Variants in TAFA5 observed in about 807,000 individuals in gnomAD.
The protein encoded by TAFA5 is TAFA chemokine like family member 5.
In TAFA5, 6 loss-of-function variants were observed where a neutral mutation model predicts 15.3. The observed-to-expected ratio is 0.39, with a 90% CI of 0.21 to 0.77. TAFA5 has a LOEUF of 0.77. TAFA5 is among the 30% of genes least tolerant of loss of function. The pLI is 0.41. For missense variants in TAFA5, 161 were observed against 193.1 expected, an observed-to-expected ratio of 0.83 and a Z score of 0.98; for synonymous variants, 103 against 80.7, an observed-to-expected ratio of 1.28 and a Z score of -1.48.
intron 1 of TAFA5, among the ~76,000 whole-genome samples, chr22:48,522,226 G>A (rs1921626294): frequency 1.3e-5 from 2 of 151,970 alleles, no homozygotes; most frequent in Admixed American, 6.5e-5. Flanking sequence ...TGTCCCCTGC[G>A]TCTACCTGTG....
chr22:48,728,982 T>A (rs1321841058), intron 3 of TAFA5, among the ~76,000 whole-genome samples: 1 of 152,160 alleles, frequency 6.6e-6, no homozygotes, highest in African/African-American at 2.4e-5. Flanking sequence ...AAGGAAAAAT[T>A]ATTCACAAGT....
In TAFA5 at chr22:48,550,382, C is replaced by T. The variant is rs1321809805; in HGVS notation, c.112+60678C>T. Reference sequence around the variant, plus strand: ...CAGGCTGGCACATGGGCCTCTCATGCACCTTTCCCACAGACTGGTCGGAGG... The same window carrying T: ...CAGGCTGGCACATGGGCCTCTCATGTACCTTTCCCACAGACTGGTCGGAGG... On this transcript the variant is annotated intron_variant, in intron 1 of 3. Coordinates refer to ENST00000402357, the MANE Select transcript of TAFA5 (RefSeq NM_001082967.3). This position sits in a 1 kb window ranked among gnomAD's most constrained non-coding sequence, Gnocchi z 4.1. Among the ~76,000 whole-genome samples, 1 of 152,234 alleles carries T rather than the reference C, an allele frequency of 6.6e-6. No individual in the cohort carries two copies. Among genetic ancestry groups the T allele is most frequent in the Non-Finnish European group, 1.5e-5 (1 of 68,040 alleles).
chr22:48,578,799 T>G (rs1371944803), intron 1 of TAFA5, among the ~76,000 whole-genome samples: 1 of 152,096 alleles, frequency 6.6e-6, no homozygotes, highest in Non-Finnish European at 1.5e-5. Flanking sequence ...GACGGCCTTT[T>G]GGCCCCTTGG....
At chr22:48,726,079 C>A (rs1422380613) in intron 3 of TAFA5, among the ~76,000 whole-genome samples, 2 of 152,198 alleles carry the variant, frequency 1.3e-5, no homozygotes, top group African/African-American at 4.8e-5. Context: ...AACACACATG[C>A]AAGCTGTCCC....
At position 48,691,127 on chromosome 22, in the gene TAFA5, C is replaced by T. The variant is rs550198947; in HGVS notation, c.263-16590C>T. On this transcript the variant is annotated intron_variant, in intron 2 of 3. Transcript: ENST00000402357. ...GTGAAGTCCCTCCATACCTGAGGCTCCCAGGCAAGCCTCAGGGCGGCCCGG... is the reference window on the plus strand; with the variant it reads ...GTGAAGTCCCTCCATACCTGAGGCTTCCAGGCAAGCCTCAGGGCGGCCCGG... Among the ~76,000 whole-genome samples, 10 of 152,286 alleles carry T rather than the reference C, an allele frequency of 6.6e-5. No individual in the cohort carries two copies. In the East Asian group the frequency reaches 1.9e-3, roughly 30 times the overall value.
rs566326569 is a variant in TAFA5 at position 48,524,140 on chromosome 22, C to T, written c.112+34436C>T. Among the ~76,000 whole-genome samples the T allele has an allele frequency of 2.6e-5, 4 of 152,362 alleles. No homozygotes were observed. The East Asian group carries it at 7.7e-4, about 29-fold the overall frequency. On this transcript the variant is annotated intron_variant, in intron 1 of 3. Transcript: ENST00000402357. ...TTTCGGGATTTTCTCTCCTCCCTCC[C>T]GTCTGGCCAGTTTTCCTTTGTGCGG...
chr22:48,605,026 GTGA>G (rs1383273410), intron 1 of TAFA5, among the ~76,000 whole-genome samples: 3 of 151,458 alleles, frequency 2.0e-5, no homozygotes, highest in Non-Finnish European at 2.9e-5. Context: ...GGTAATGATG[GTGA>G]TGATGATCGT....
At chr22:48,739,844 G>T (rs937184196) in intron 3 of TAFA5, among the ~76,000 whole-genome samples, 3 of 152,114 alleles carry the variant, frequency 2.0e-5, no homozygotes, top group Non-Finnish European at 4.4e-5. Context: ...TGCATTTGCC[G>T]TGCACAGCTC....
intron 3 of TAFA5, among the ~76,000 whole-genome samples, chr22:48,736,613 A>G (rs1160567258): frequency 6.6e-6 from 1 of 152,254 alleles, no homozygotes; most frequent in African/African-American, 2.4e-5. Context: ...CCCACGGAAA[A>G]ACAACCTTCA....
At chr22:48,630,641 C>T (rs738686) in intron 1 of TAFA5, among the ~76,000 whole-genome samples, 17 of 151,946 alleles carry the variant, frequency 1.1e-4, no homozygotes, top group Non-Finnish European at 2.4e-4. Context: ...CAGTGAGTGC[C>T]GCTTCCAGAA....
At chr22:48,596,534 G>A (rs1924769347) in intron 1 of TAFA5, among the ~76,000 whole-genome samples, 3 of 152,198 alleles carry the variant, frequency 2.0e-5, no homozygotes, top group Admixed American at 1.3e-4. Context: ...GGAGCAGATG[G>A]CAGTTTCCAT....
intron 2 of TAFA5, among the ~76,000 whole-genome samples, chr22:48,647,656 T>C (rs1266971674): frequency 6.6e-6 from 1 of 152,020 alleles, no homozygotes; most frequent in Non-Finnish European, 1.5e-5. Flanking sequence ...CCTCCCTCCC[T>C]TGTGACCAGA....
At chr22:48,586,416 G>C (rs902868900) in intron 1 of TAFA5, among the ~76,000 whole-genome samples, 1 of 152,226 alleles carries the variant, frequency 6.6e-6, no homozygotes, top group Non-Finnish European at 1.5e-5. Context: ...GCTAGTGGCT[G>C]GGCTTCTGGG....
chr22:48,540,900 C>T lies in TAFA5; in HGVS notation c.112+51196C>T, dbSNP rs1288722854. On this transcript the variant is annotated intron_variant, in intron 1 of 3. Coordinates refer to ENST00000402357, the MANE Select transcript of TAFA5 (RefSeq NM_001082967.3). Reference sequence around the variant, plus strand: ...TAAAAAAAAAAAAAAAAAATACAAACAGCAGCCATTTATTAGAAGCCGGCC... The same window carrying T: ...TAAAAAAAAAAAAAAAAAATACAAATAGCAGCCATTTATTAGAAGCCGGCC... 3.5e-5 allele frequency among the ~76,000 whole-genome samples: 5 copies of T among 144,748 alleles called. No homozygotes were observed. In the East Asian group the frequency reaches 8.3e-4, roughly 24 times the overall value. The allele number at this position is 144,748 out of a possible 152,430, so 95.0% of individuals were successfully genotyped here.
chr22:48,542,106 G>GCAT (rs1569018695), intron 1 of TAFA5, among the ~76,000 whole-genome samples: 3 of 43,058 alleles, frequency 7.0e-5, no homozygotes, highest in Non-Finnish European at 1.0e-4. Context: ...ATGTGTGTGT[G>GCAT]GTGTGTGTGT....
intron 2 of TAFA5, among the ~76,000 whole-genome samples, chr22:48,657,433 G>T (rs1294985370): frequency 6.6e-6 from 1 of 152,198 alleles, no homozygotes; most frequent in African/African-American, 2.4e-5. Context: ...CTTCACTGGT[G>T]AATTGGTCCA....
intron 3 of TAFA5, among the ~76,000 whole-genome samples, chr22:48,738,360 G>T (rs1175064407): frequency 6.6e-6 from 1 of 152,186 alleles, no homozygotes; most frequent in Non-Finnish European, 1.5e-5. Flanking sequence ...GGGCCCCCAG[G>T]TCAGACACAG....
chr22:48,623,240 C>CGCAGCCCGTGATGTGTTT (rs1925905018), intron 1 of TAFA5, among the ~76,000 whole-genome samples: 1 of 146,878 alleles, frequency 6.8e-6, no homozygotes. Flanking sequence ...TGGGACGGGA[C>CGCAGCCCGTGATGTGTTT]GTGCCGCGTG....
intron 1 of TAFA5, chr22:48,546,372 C>G (rs1569020882): frequency 5.1e-6 from 2 of 392,370 alleles, no homozygotes; most frequent in African/African-American, 4.2e-5. Context: ...ATTAATTCAG[C>G]AAACACATGC....
Sources: allele counts gnomAD v4.1 joint callset (sites outside exome capture counted in the v4.1 genomes callset), GRCh38; gene constraint gnomAD v4.1.1; non-coding constraint Gnocchi (gnomAD v3.1); transcripts MANE v1.5; gene names NCBI Gene and HGNC (gene_info 2026-07-23, HGNC 2026-07-21).